Variants in ERC1 observed in about 807,000 individuals in gnomAD.
ERC1 encodes the protein ELKS/RAB6-interacting/CAST family member 1.
Under a neutral mutation model 132.0 loss-of-function variants are expected in ERC1, and 56 were observed. The observed-to-expected ratio is 0.42, with a 90% confidence interval of 0.34 to 0.53. ERC1 has a LOEUF of 0.53. Ranked by LOEUF, ERC1 falls within the 20% of genes least tolerant of loss-of-function variation. ERC1 has a pLI of 0.03. For missense variants in ERC1, 1,202 were observed against 1,349.9 expected, an observed-to-expected ratio of 0.89 and a Z score of 1.72; for synonymous variants, 478 against 476.1, an observed-to-expected ratio of 1.00 and a Z score of -0.05.
intron 14 of ERC1, among the ~76,000 whole-genome samples, chr12:1,269,330 G>A (rs2077669045): frequency 6.6e-6 from 1 of 152,228 alleles, no homozygotes; most frequent in African/African-American, 2.4e-5. Flanking sequence ...GGTCCTCTGT[G>A]AAAGCGGCTT....
intron 8 of ERC1, among the ~76,000 whole-genome samples, chr12:1,174,099 G>A (rs1421127643): frequency 1.3e-5 from 2 of 152,246 alleles, no homozygotes; most frequent in East Asian, 1.9e-4. Flanking sequence ...GGGCTCAGCT[G>A]TTAGCCATCA....
At chr12:1,400,000 C>G (rs534361860) in intron 16 of ERC1, among the ~76,000 whole-genome samples, 134 of 152,168 alleles carry the variant, frequency 8.8e-4, no homozygotes, top group African/African-American at 3.1e-3. Context: ...CTCTACAATC[C>G]CACCAGCAAT....
chr12:1,189,731 A>G (rs995266474), intron 11 of ERC1, 128 bp from the exon 12 acceptor site: 31 of 665,096 alleles, frequency 4.7e-5, no homozygotes, highest in Non-Finnish European at 5.1e-5. Flanking sequence ...AACCTTATAA[A>G]TTACAAACTA....
At chr12:1,103,965 G>A (rs1424087427) in intron 3 of ERC1, among the ~76,000 whole-genome samples, 1 of 151,676 alleles carries the variant, frequency 6.6e-6, no homozygotes, top group Non-Finnish European at 1.5e-5. Context: ...TGTATTCCCT[G>A]GATTCCCAAG....
chr12:1,415,051 A>C (rs2092046794), intron 17 of ERC1, among the ~76,000 whole-genome samples: 1 of 152,250 alleles, frequency 6.6e-6, no homozygotes, highest in Non-Finnish European at 1.5e-5. Flanking sequence ...AATTTAAAGG[A>C]AAATCATAAT....
At chr12:1,153,932 A>G (rs1951068669) in intron 8 of ERC1, among the ~76,000 whole-genome samples, 2 of 152,084 alleles carry the variant, frequency 1.3e-5, no homozygotes, top group South Asian at 2.1e-4. Flanking sequence ...GAAGTTCCCA[A>G]GTGTACCTGA....
intron 12 of ERC1, among the ~76,000 whole-genome samples, chr12:1,218,659 T>A (rs910380875): frequency 1.3e-5 from 2 of 152,048 alleles, no homozygotes; most frequent in Non-Finnish European, 2.9e-5. Context: ...TCAGCATCAT[T>A]CTACACATTT....
At chr12:1,010,078 A>G (rs1964428401) in intron 1 of ERC1, among the ~76,000 whole-genome samples, 1 of 152,200 alleles carries the variant, frequency 6.6e-6, no homozygotes, top group African/African-American at 2.4e-5. Flanking sequence ...ATTCTACCTT[A>G]GTGAGTACAC....
intron 1 of ERC1, among the ~76,000 whole-genome samples, chr12:995,758 A>G (rs749324735): frequency 6.6e-6 from 1 of 152,144 alleles, no homozygotes; most frequent in Non-Finnish European, 1.5e-5. Flanking sequence ...GGCATTGGGG[A>G]TATAAACCTG....
intron 16 of ERC1, among the ~76,000 whole-genome samples, chr12:1,390,300 C>G (rs1387151040): frequency 1.3e-5 from 2 of 151,870 alleles, no homozygotes; most frequent in African/African-American, 2.4e-5. Flanking sequence ...CAGTATGGCT[C>G]CATATATTTC....
At chr12:1,068,709 C>T (rs1040095871) in intron 2 of ERC1, among the ~76,000 whole-genome samples, 7 of 152,240 alleles carry the variant, frequency 4.6e-5, no homozygotes, top group Non-Finnish European at 8.8e-5. Flanking sequence ...ATTGATTTCT[C>T]CTCTTATGCC....
rs143046774 is a variant in ERC1, at chr12:1,404,560, C to G, written c.2926-3589C>G. ...TGAGACACTGTCCTCTTTAGGAGTT[C>G]AGTTTCCTACCAGTGATAGAACTAG... On this transcript the variant is annotated intron_variant, in intron 16 of 18. Transcript: ENST00000360905. Among the ~76,000 whole-genome samples the G allele has an allele frequency of 5.9e-5, 9 of 152,274 alleles. No homozygotes were observed. In the East Asian group the frequency reaches 1.7e-3, roughly 29 times the overall value.
At chr12:1,233,470 C>CAAAA (rs60542316) in intron 12 of ERC1, among the ~76,000 whole-genome samples, 165 of 70,890 alleles carry the variant, frequency 2.3e-3, no homozygotes, top group Middle Eastern at 7.8e-3. Flanking sequence ...GACCCTGTCT[C>CAAAA]AAAAAAAAAA....
chr12:1,276,410 T>C (rs1280927947), intron 14 of ERC1, among the ~76,000 whole-genome samples: 3 of 151,728 alleles, frequency 2.0e-5, no homozygotes, highest in African/African-American at 7.3e-5. Context: ...GCTAATTTTT[T>C]GTTATTTTTA....
At chr12:1,361,726 A>G (rs2086145303) in intron 15 of ERC1, among the ~76,000 whole-genome samples, 1 of 152,216 alleles carries the variant, frequency 6.6e-6, no homozygotes, top group Admixed American at 6.5e-5. Context: ...CCACATTTAT[A>G]AGACCGTGAT....
intron 8 of ERC1, among the ~76,000 whole-genome samples, chr12:1,144,162 T>TA (rs1950115686): frequency 6.6e-6 from 1 of 152,234 alleles, no homozygotes; most frequent in Admixed American, 6.5e-5. Context: ...TCTCTCCCAC[T>TA]AAAGTACAGT....
intron 11 of ERC1, among the ~76,000 whole-genome samples, chr12:1,189,228 G>A (rs1041756303): frequency 3.9e-5 from 6 of 152,114 alleles, no homozygotes; most frequent in African/African-American, 1.2e-4. Context: ...TGTGGTTCTC[G>A]ATTTCTGAAT....
intron 13 of ERC1, among the ~76,000 whole-genome samples, chr12:1,238,485 C>T (rs931998697): frequency 6.6e-6 from 1 of 152,046 alleles, no homozygotes; most frequent in African/African-American, 2.4e-5. Flanking sequence ...CTAACAACTT[C>T]ACAAGAATGT....
intron 12 of ERC1, among the ~76,000 whole-genome samples, chr12:1,230,045 C>T (rs1216164992): frequency 1.5e-5 from 2 of 129,298 alleles, no homozygotes; most frequent in Non-Finnish European, 3.1e-5. Context: ...CTCACTGTGT[C>T]ACCCAGGCTA....
Sources: gnomAD v4.1 joint callset for allele counts (sites outside exome capture counted in the v4.1 genomes callset) on GRCh38, gnomAD v4.1.1 for gene constraint, MANE v1.5 for transcripts, NCBI Gene and HGNC (gene_info 2026-07-23, HGNC 2026-07-21) for gene names.